Variants in PPFIA4 observed in about 807,000 individuals in gnomAD.
PPFIA4 encodes liprin-alpha-4.
A neutral mutation model predicts 145.7 loss-of-function variants in PPFIA4; 98 were observed. That is an observed-to-expected ratio of 0.67 (90% CI 0.57 to 0.80). The LOEUF is 0.80. PPFIA4 is among the 30% of genes least tolerant of loss of function. The pLI is 0.00. For synonymous variants in PPFIA4, 628 were observed against 649.6 expected (o/e 0.97, Z 0.51); for missense variants, 1,457 against 1,632.7 (o/e 0.89, Z 1.85).
chr1:203,049,010 C>T, intron 12 of PPFIA4, 30 bp downstream of exon 12: 1 of 1,545,686 alleles, frequency 6.5e-7, no homozygotes, highest in African/African-American at 1.4e-5. Context: ...CCCGCCCAGC[C>T]TGGGAGGGCC....
chr1:203,051,188 C>T (rs1660478117), intron 13 of PPFIA4: 1 of 985,306 alleles, frequency 1.0e-6, no homozygotes, highest in Admixed American at 6.1e-5. Context: ...AAAGTATTTT[C>T]TCTGGCTTGT....
chr1:203,072,565 C>G lies in PPFIA4; in HGVS notation c.3393+805C>G, dbSNP rs572245596. 4.7e-4 allele frequency among the ~76,000 whole-genome samples: 72 copies of G among 152,370 alleles called. 1 individual carries two copies. The South Asian group carries it at 0.015, about 31-fold the overall frequency. On this transcript the variant is annotated intron_variant, in intron 28 of 29. Coordinates refer to ENST00000295706, the MANE Select transcript of PPFIA4 (RefSeq NM_001304331.2). ...CCCGCCTCCTCTTCCTCCCTCCTCA[C>G]TTTCCTATCACTGCCCTTGCCTGTC...
At position 203,075,924 on chromosome 1, in the gene PPFIA4, C is replaced by G. The variant is rs1390442458; in HGVS notation, c.3574+167C>G. The G allele has an allele frequency of 2.0e-5, 14 of 709,226 alleles. No individual in the cohort carries two copies. The highest frequency in any genetic ancestry group is 2.9e-5 in the Non-Finnish European group (14 of 480,400). The allele number at this position is 709,226 out of a possible 1,614,324, so 43.9% of individuals were successfully genotyped here. Reference sequence around the variant, plus strand: ...CGCGGGGAGCGTGTGTGCGCACTAACCCGCCGCTCTGTGTGTTCTCCCGCG... The same window carrying G: ...CGCGGGGAGCGTGTGTGCGCACTAAGCCGCCGCTCTGTGTGTTCTCCCGCG... On this transcript the variant is annotated intron_variant, in intron 29 of 29. Transcript: ENST00000295706. This position sits in a 1 kb window ranked among gnomAD's most constrained non-coding sequence, Gnocchi z 4.1.
chr1:203,057,036 T>G, intron 19 of PPFIA4, 86 bp downstream of exon 19: 1 of 1,571,004 alleles, frequency 6.4e-7, no homozygotes. Context: ...CTTCTCTGCC[T>G]GCGTCCCAGG....
intron 14 of PPFIA4, 135 bp downstream of exon 14, chr1:203,052,012 G>A: frequency 1.0e-6 from 1 of 990,146 alleles, no homozygotes; most frequent in Non-Finnish European, 1.5e-6. Flanking sequence ...CTGCAGCCCT[G>A]GGGTTGAGGC....
chr1:203,062,479 CAAAAAA>C (rs34987795), intron 24 of PPFIA4, among the ~76,000 whole-genome samples: 9 of 35,384 alleles, frequency 2.5e-4, no homozygotes, highest in African/African-American at 6.5e-4. Context: ...GACTCCGTCT[CAAAAAA>C]AAAAAAAAAA....
chr1:203,039,546 C>A (rs1235578696), intron 2 of PPFIA4, among the ~76,000 whole-genome samples: 2 of 152,212 alleles, frequency 1.3e-5, no homozygotes, highest in Non-Finnish European at 2.9e-5. Flanking sequence ...TCCCTGCGTA[C>A]TCCTCTCCAG....
At chr1:203,036,740 C>T (rs1034289239) in intron 1 of PPFIA4, among the ~76,000 whole-genome samples, 1 of 152,212 alleles carries the variant, frequency 6.6e-6, no homozygotes, top group African/African-American at 2.4e-5. Context: ...CAGACTGGGG[C>T]AGCAGCCCCT....
Position 203,068,431 on chromosome 1 carries a change from C to G in PPFIA4, c.3149-22C>G. 3 of 1,572,842 alleles carry G rather than the reference C, an allele frequency of 1.9e-6. No individual in the cohort carries two copies. The highest frequency in any genetic ancestry group is 2.6e-6 in the Non-Finnish European group (3 of 1,158,914). ...TGAAACGTAGTATCTCCTTCCGTCC[C>G]TTTTCTTCCCCCACACTCCAGATGT... On this transcript the variant is annotated intron_variant, in intron 26 of 29. Coordinates refer to ENST00000295706, the MANE Select transcript of PPFIA4 (RefSeq NM_001304331.2). This position sits in a 1 kb window ranked among gnomAD's most constrained non-coding sequence, Gnocchi z 4.7.
chr1:203,045,702 C>T (rs1660031622), intron 7 of PPFIA4, 139 bp from the exon 8 acceptor site: 2 of 1,466,900 alleles, frequency 1.4e-6, no homozygotes, highest in Admixed American at 2.1e-5. Context: ...AAGGGGTGGG[C>T]CAAAGCCAGA....
At chr1:203,066,040 G>A (rs940001353) in intron 25 of PPFIA4, among the ~76,000 whole-genome samples, 1 of 152,216 alleles carries the variant, frequency 6.6e-6, no homozygotes, top group African/African-American at 2.4e-5. Context: ...TGCAAGAGAG[G>A]TGTGACCCCA....
intron 25 of PPFIA4, 56 bp from the exon 26 acceptor site, chr1:203,067,639 G>A: frequency 1.4e-6 from 2 of 1,453,890 alleles, no homozygotes; most frequent in South Asian, 2.3e-5. Context: ...TGTGAGACAG[G>A]TGGTGTGGGA....
intron 25 of PPFIA4, among the ~76,000 whole-genome samples, chr1:203,066,212 C>T (rs10800897): frequency 0.33 from 49,632 of 152,054 alleles, 8,433 homozygotes; most frequent in Middle Eastern, 0.41. Flanking sequence ...GCTGTGTGTG[C>T]GCATGCCCCT....
rs754705549 is a variant in PPFIA4 at position 203,075,554 on chromosome 1, C to T, written c.3394-23C>T. ...GGCAATTCCAACAGGGCCCTCGGGC[C>T]TCTGGTGTCCCCCATGGTGCAGGGG... On this transcript the variant is annotated intron_variant, in intron 28 of 29. Transcript: ENST00000295706. The surrounding 1 kb of genome is among the most constrained non-coding windows in gnomAD (Gnocchi z 4.1). The T allele has an allele frequency of 1.0e-4, 139 of 1,377,098 alleles. No individual in the cohort carries two copies. Among genetic ancestry groups the T allele is most frequent in the Non-Finnish European group, 1.2e-4 (127 of 1,057,618 alleles). The allele number at this position is 1,377,098 out of a possible 1,614,324, so 85.3% of individuals were successfully genotyped here.
intron 14 of PPFIA4, among the ~76,000 whole-genome samples, chr1:203,053,042 A>C (rs777093924): frequency 2.0e-5 from 3 of 152,226 alleles, no homozygotes; most frequent in Non-Finnish European, 4.4e-5. Flanking sequence ...TGATCCTCAC[A>C]GCTATCTATG....
chr1:203,041,207 G>A (rs1659672240), intron 2 of PPFIA4, among the ~76,000 whole-genome samples: 1 of 152,248 alleles, frequency 6.6e-6, no homozygotes, highest in African/African-American at 2.4e-5. Flanking sequence ...AGGCATGCTG[G>A]TGTTTAGAAG....
Position 203,059,781 on chromosome 1 carries a change from T to A in PPFIA4, c.2513T>A (p.Leu838His). Residue 838 changes from leucine (L) to histidine (H), a missense_variant, in exon 21 of 30, where the codon CTT becomes CAT. Leu to His is a moderately conservative substitution (Grantham distance 99, BLOSUM62 -3). This residue lies in a region of PPFIA4 where 848 missense variants were observed against 1,046.7 expected (regional missense o/e 0.81). Transcript: ENST00000295706. ...DRRLKKKHQL[L>H]EDARRKGMPF... Reference sequence around the variant, plus strand: ...CCTCTTCCTATAAGACACCAGCTGCTTGAAGATGCCCGCAGGAAAGGAATG... The same window carrying A: ...CCTCTTCCTATAAGACACCAGCTGCATGAAGATGCCCGCAGGAAAGGAATG... 1 of 1,613,492 alleles carries A rather than the reference T, an allele frequency of 6.2e-7. No homozygotes were observed. Among genetic ancestry groups the A allele is most frequent in the Non-Finnish European group, 8.5e-7 (1 of 1,179,688 alleles).
At chr1:203,057,507 G>A (rs918261944) in intron 19 of PPFIA4, among the ~76,000 whole-genome samples, 11 of 152,188 alleles carry the variant, frequency 7.2e-5, no homozygotes, top group Non-Finnish European at 4.4e-5. Context: ...GTGAGTACAC[G>A]TTAAATGTTA....
At chr1:203,041,466 CCTATGCTGCCAGCTA>C (rs1264426060) in intron 2 of PPFIA4, among the ~76,000 whole-genome samples, 1 of 152,198 alleles carries the variant, frequency 6.6e-6, no homozygotes, top group East Asian at 1.9e-4. Flanking sequence ...GTGGCAAATG[CCTATGCTGCCAGCTA>C]CTCGTGGGGC....
Sources: gnomAD v4.1 joint callset for allele counts (sites outside exome capture counted in the v4.1 genomes callset) on GRCh38, gnomAD v4.1.1 for gene constraint, gnomAD v4.1.1 regional missense constraint, Gnocchi (gnomAD v3.1) non-coding constraint, MANE v1.5 for transcripts, NCBI Gene and HGNC (gene_info 2026-07-23, HGNC 2026-07-21) for gene names.